GRID2: variants seen among roughly 807,000 people sequenced by gnomAD.
GRID2 encodes glutamate ionotropic receptor delta type subunit 2.
GRID2 carries 33 observed loss-of-function variants against 114.8 expected under a neutral mutation model. The ratio of observed to expected loss-of-function variants is 0.29; its 90% CI spans 0.22 to 0.38. The LOEUF is 0.38. GRID2 is among the 10% of genes least tolerant of loss of function. The pLI, the probability that GRID2 is intolerant of heterozygous loss-of-function variation, is 1.00. For missense variants in GRID2, 1,184 were observed against 1,257.7 expected (o/e 0.94, Z 0.89); for synonymous variants, 505 against 449.9 (o/e 1.12, Z -1.55).
At chr4:92,997,338 G>A (rs1171895913) in intron 2 of GRID2, among the ~76,000 whole-genome samples, 1 of 152,134 alleles carries the variant, frequency 6.6e-6, no homozygotes, top group Non-Finnish European at 1.5e-5. Context: ...CAAGGAACCT[G>A]AGCTCTGATC....
At chr4:92,841,613 A>G (rs755030135) in intron 2 of GRID2, among the ~76,000 whole-genome samples, 7 of 152,092 alleles carry the variant, frequency 4.6e-5, no homozygotes, top group Non-Finnish European at 1.0e-4. Flanking sequence ...AAACAGGTGC[A>G]GCATTACAAG....
At chr4:92,598,116 T>G (rs1274555654) in intron 2 of GRID2, among the ~76,000 whole-genome samples, 1 of 152,216 alleles carries the variant, frequency 6.6e-6, no homozygotes, top group East Asian at 1.9e-4. Context: ...TTTGTTATCT[T>G]GTAATTTTCA....
intron 8 of GRID2, among the ~76,000 whole-genome samples, chr4:93,262,331 T>C (rs1750346349): frequency 6.6e-6 from 1 of 151,880 alleles, no homozygotes; most frequent in Non-Finnish European, 1.5e-5. Context: ...GTAAACCAAA[T>C]GCAAATAAGC....
At chr4:93,769,104 C>T (rs1226136890) in intron 14 of GRID2, 106 bp from the exon 15 acceptor site, 9 of 1,076,512 alleles carry the variant, frequency 8.4e-6, no homozygotes, top group Non-Finnish European at 1.2e-5. Flanking sequence ...ATTCATTTCC[C>T]TTTGACAGCC....
intron 13 of GRID2, among the ~76,000 whole-genome samples, chr4:93,533,369 C>G (rs1226462982): frequency 1.7e-5 from 2 of 115,288 alleles, no homozygotes; most frequent in African/African-American, 6.6e-5. Context: ...CCTTACTTCT[C>G]TCTCTCTTTC....
chr4:93,608,808 G>C lies in GRID2; in HGVS notation c.2194-17461G>C, dbSNP rs1332573195. Among the ~76,000 whole-genome samples the C allele has an allele frequency of 6.6e-5, 9 of 136,150 alleles. 1 individual carries two copies. The highest frequency in any genetic ancestry group is 2.5e-4 in the South Asian group (1 of 4,074). The allele number at this position is 136,150 out of a possible 152,430, so 89.3% of individuals were successfully genotyped here. ...TGTCTTTATAGCAGCATGATTTATA[G>C]TCATTTGGGTATATACCCAGTAATG... On this transcript the variant is annotated intron_variant, in intron 13 of 15. Coordinates refer to ENST00000282020, the MANE Select transcript of GRID2 (RefSeq NM_001510.4).
chr4:93,591,266 A>G (rs868185477), intron 13 of GRID2, among the ~76,000 whole-genome samples: 1,562 of 148,558 alleles, frequency 0.011, 19 homozygotes, highest in East Asian at 0.03. Flanking sequence ...TTAGCATGAA[A>G]AGTTGTTGAA....
At chr4:93,706,815 G>C (rs1206120912) in intron 14 of GRID2, among the ~76,000 whole-genome samples, 1 of 152,052 alleles carries the variant, frequency 6.6e-6, no homozygotes, top group Non-Finnish European at 1.5e-5. Context: ...AAGACTTTCA[G>C]TTTTCCCATT....
At chr4:93,292,876 A>C (rs1339312967) in intron 8 of GRID2, among the ~76,000 whole-genome samples, 1 of 152,180 alleles carries the variant, frequency 6.6e-6, no homozygotes, top group Non-Finnish European at 1.5e-5. Context: ...AGAACTGTAT[A>C]AATACAGTAA....
At chr4:93,175,241 G>A (rs1190033097) in intron 4 of GRID2, among the ~76,000 whole-genome samples, 2 of 152,082 alleles carry the variant, frequency 1.3e-5, no homozygotes, top group Admixed American at 6.6e-5. Flanking sequence ...CATGATCTCG[G>A]CTCACCGCAA....
At chr4:93,585,172 G>C (rs1022103639) in intron 13 of GRID2, among the ~76,000 whole-genome samples, 1 of 152,008 alleles carries the variant, frequency 6.6e-6, no homozygotes, top group Admixed American at 6.6e-5. Flanking sequence ...CAATTTCTTT[G>C]ATTGAGTTTA....
At chr4:92,395,851 G>A (rs1201332156) in intron 1 of GRID2, among the ~76,000 whole-genome samples, 1 of 151,710 alleles carries the variant, frequency 6.6e-6, no homozygotes, top group East Asian at 1.9e-4. Context: ...TTATTTTTGA[G>A]CTGATGTGCC....
chr4:93,259,083 T>C (rs1035678719), intron 8 of GRID2: 2 of 331,752 alleles, frequency 6.0e-6, no homozygotes, highest in Non-Finnish European at 1.2e-5. Context: ...ATTTTTCCCT[T>C]TTGCTTTAAG....
In GRID2 at chr4:93,431,702, A is replaced by T. The variant is rs578092032; in HGVS notation, c.1545+8734A>T. ...TGGAGAGGGGAAGAAAGAGATAATA[A>T]TTGGAAGGGTCATTGGTTTTGGTAG... On this transcript the variant is annotated intron_variant, in intron 10 of 15. Coordinates refer to ENST00000282020, the MANE Select transcript of GRID2 (RefSeq NM_001510.4). Among the ~76,000 whole-genome samples, 9 of 152,254 alleles carry T rather than the reference A, an allele frequency of 5.9e-5. No homozygotes were observed. The East Asian group carries it at 9.7e-4, about 16-fold the overall frequency.
chr4:93,742,300 A>T (rs1731489808), intron 14 of GRID2, among the ~76,000 whole-genome samples: 2 of 152,188 alleles, frequency 1.3e-5, no homozygotes, highest in African/African-American at 4.8e-5. Context: ...CTCATGGATT[A>T]AGCATCCTAA....
intron 2 of GRID2, among the ~76,000 whole-genome samples, chr4:92,913,300 G>A (rs1467869187): frequency 6.6e-6 from 1 of 151,812 alleles, no homozygotes; most frequent in Non-Finnish European, 1.5e-5. Flanking sequence ...TACCTTCCTA[G>A]TATAAGGAGG....
At chr4:92,985,052 G>T (rs1449118397) in intron 2 of GRID2, among the ~76,000 whole-genome samples, 1 of 151,914 alleles carries the variant, frequency 6.6e-6, no homozygotes, top group Non-Finnish European at 1.5e-5. Context: ...AACATATGAG[G>T]GGGAAGTTTT....
intron 2 of GRID2, among the ~76,000 whole-genome samples, chr4:92,993,847 G>A (rs1191613126): frequency 1.3e-5 from 2 of 152,192 alleles, no homozygotes; most frequent in Non-Finnish European, 2.9e-5. Context: ...TCTTAAGAGT[G>A]TGGCTATAAT....
chr4:92,747,173 G>A (rs575798425), intron 2 of GRID2, among the ~76,000 whole-genome samples: 21 of 151,920 alleles, frequency 1.4e-4, no homozygotes, highest in South Asian at 4.1e-4. Context: ...ATCTATTGCC[G>A]TTTTATAATG....
Sources: allele counts gnomAD v4.1 joint callset (sites outside exome capture counted in the v4.1 genomes callset), GRCh38; gene constraint gnomAD v4.1.1; transcripts MANE v1.5; gene names NCBI Gene and HGNC (gene_info 2026-07-23, HGNC 2026-07-21).